MIPOL1: variants seen among roughly 807,000 people sequenced by gnomAD.
The protein encoded by MIPOL1 is mirror-image polydactyly 1, also known as mirror-image polydactyly gene 1 protein.
MIPOL1 carries 57 observed loss-of-function variants against 60.9 expected under a neutral mutation model. The ratio of observed to expected loss-of-function variants is 0.94; its 90% CI spans 0.76 to 1.17. The LOEUF is 1.17. Among genes scored for constraint, MIPOL1 ranks in the 50% most tolerant of loss-of-function variants. The pLI is 0.00. For synonymous variants in MIPOL1, 179 were observed against 168.8 expected (o/e 1.06, Z -0.47); for missense variants, 551 against 511.6 (o/e 1.08, Z -0.74).
chr14:37,366,466 C>T (rs1161078531), intron 9 of MIPOL1, among the ~76,000 whole-genome samples: 2 of 151,830 alleles, frequency 1.3e-5, no homozygotes, highest in Non-Finnish European at 2.9e-5. Context: ...TTCCAGAATT[C>T]CTCCTGTTAT....
intron 9 of MIPOL1, among the ~76,000 whole-genome samples, chr14:37,310,402 A>G (rs1032335518): frequency 2.0e-5 from 3 of 151,472 alleles, no homozygotes; most frequent in Non-Finnish European, 4.4e-5. Context: ...TAGTTATCTC[A>G]CCTCTCCTCC....
chr14:37,538,490 A>C (rs1441049700), intron 12 of MIPOL1, among the ~76,000 whole-genome samples: 13 of 152,214 alleles, frequency 8.5e-5, no homozygotes, highest in Admixed American at 8.5e-4. Flanking sequence ...TCAGGATGCC[A>C]AAAGATATGA....
At chr14:37,462,796 A>G (rs1207198679) in intron 11 of MIPOL1, among the ~76,000 whole-genome samples, 1 of 152,148 alleles carries the variant, frequency 6.6e-6, no homozygotes. Flanking sequence ...TCTCTTCTCC[A>G]TTTGAGACCA....
At chr14:37,473,568 T>A in intron 11 of MIPOL1, among the ~76,000 whole-genome samples, 1 of 152,042 alleles carries the variant, frequency 6.6e-6, no homozygotes, top group East Asian at 1.9e-4. Context: ...GAGCAGGGAA[T>A]TCAATTAATA....
At chr14:37,313,135 C>T in intron 9 of MIPOL1, among the ~76,000 whole-genome samples, 1 of 151,652 alleles carries the variant, frequency 6.6e-6, no homozygotes, top group South Asian at 2.1e-4. Context: ...GAACATTTGA[C>T]AAATAAATCA....
rs113597819 is a variant in MIPOL1, at chr14:37,469,506, C to A, written c.1032-30402C>A. Among the ~76,000 whole-genome samples, 895 of 152,198 alleles carry A rather than the reference C, an allele frequency of 5.9e-3. 4 individuals carry two copies. The highest frequency in any genetic ancestry group is 9.5e-3 in the Non-Finnish European group (643 of 68,002). Reference sequence around the variant, plus strand: ...ATTACAATTTGACATGAGATTTGGGCAGGGACACAGATGCAAACCATATCA... The same window carrying A: ...ATTACAATTTGACATGAGATTTGGGAAGGGACACAGATGCAAACCATATCA... On this transcript the variant is annotated intron_variant, in intron 11 of 12. Transcript: ENST00000684589.
At chr14:37,247,414 A>C (rs1337893817) in intron 2 of MIPOL1, among the ~76,000 whole-genome samples, 174 bp downstream of exon 2, 1 of 152,000 alleles carries the variant, frequency 6.6e-6, no homozygotes. Flanking sequence ...TATAAGTAAA[A>C]TTTATTAAAG....
chr14:37,224,857 A>G (rs1594574823), intron 1 of MIPOL1, among the ~76,000 whole-genome samples: 1 of 152,204 alleles, frequency 6.6e-6, no homozygotes, highest in Non-Finnish European at 1.5e-5. Flanking sequence ...CCTTCTGCCT[A>G]TGAGCCTGTA....
chr14:37,394,272 A>C (rs1322178970), intron 10 of MIPOL1, among the ~76,000 whole-genome samples: 1 of 151,644 alleles, frequency 6.6e-6, no homozygotes, highest in Non-Finnish European at 1.5e-5. Context: ...CTCTGCATAG[A>C]TACCCAGTAG....
intron 12 of MIPOL1, among the ~76,000 whole-genome samples, chr14:37,539,788 C>A (rs746632823): frequency 6.6e-6 from 1 of 152,124 alleles, no homozygotes; most frequent in Non-Finnish European, 1.5e-5. Flanking sequence ...AGGAATAATT[C>A]TCTGACTATA....
chr14:37,436,225 G>A (rs569403223), intron 11 of MIPOL1, among the ~76,000 whole-genome samples: 2 of 152,190 alleles, frequency 1.3e-5, no homozygotes, highest in East Asian at 3.9e-4. Context: ...TGATACAGAA[G>A]CAGGATTCTG....
intron 11 of MIPOL1, among the ~76,000 whole-genome samples, chr14:37,488,476 A>G (rs2094989334): frequency 6.6e-6 from 1 of 152,128 alleles, no homozygotes; most frequent in African/African-American, 2.4e-5. Context: ...TGGGTCTCTA[A>G]GAACTTGCTT....
intron 6 of MIPOL1, among the ~76,000 whole-genome samples, chr14:37,274,193 T>C (rs933491430): frequency 6.6e-6 from 1 of 151,532 alleles, no homozygotes; most frequent in African/African-American, 2.4e-5. Flanking sequence ...ATTTCAGCTT[T>C]TCTGCAATAT....
chr14:37,210,966 A>G (rs1200341282), intron 1 of MIPOL1, among the ~76,000 whole-genome samples: 1 of 152,232 alleles, frequency 6.6e-6, no homozygotes, highest in Non-Finnish European at 1.5e-5. Context: ...ATTAAACTAT[A>G]AACTAAATTT....
chr14:37,388,482 T>G (rs1296743892), intron 10 of MIPOL1, among the ~76,000 whole-genome samples: 1 of 150,992 alleles, frequency 6.6e-6, no homozygotes, highest in Non-Finnish European at 1.5e-5. Context: ...TGGGTTTTTT[T>G]TGTGTTTTTT....
chr14:37,515,804 G>T (rs2095364924), intron 12 of MIPOL1, among the ~76,000 whole-genome samples: 1 of 152,142 alleles, frequency 6.6e-6, no homozygotes, highest in South Asian at 2.1e-4. Context: ...ACCACAATGT[G>T]AGGTGACCCT....
chr14:37,433,260 A>G lies in MIPOL1; in HGVS notation c.1031+10311A>G, dbSNP rs889775351. Reference sequence around the variant, plus strand: ...AATTATACTTTCAGTTCTGGGATACATGTGCAGAGTGCAGGTTTGTTACAC... The same window carrying G: ...AATTATACTTTCAGTTCTGGGATACGTGTGCAGAGTGCAGGTTTGTTACAC... On this transcript the variant is annotated intron_variant, in intron 11 of 12. Transcript: ENST00000684589. Among the ~76,000 whole-genome samples the G allele has an allele frequency of 2.6e-5, 4 of 151,638 alleles. No individual in the cohort carries two copies. The East Asian group carries it at 7.8e-4, about 30-fold the overall frequency.
chr14:37,203,271 T>C (rs1466100539), intron 1 of MIPOL1, among the ~76,000 whole-genome samples: 4 of 152,172 alleles, frequency 2.6e-5, no homozygotes, highest in African/African-American at 9.7e-5. Context: ...CACTACCTGT[T>C]TGTTTTAACT....
chr14:37,522,265 T>C (rs1037000554), intron 12 of MIPOL1, among the ~76,000 whole-genome samples: 1 of 152,164 alleles, frequency 6.6e-6, no homozygotes, highest in African/African-American at 2.4e-5. Context: ...ATGTTAAGTG[T>C]TACTTTACGC....
Sources: allele counts gnomAD v4.1 joint callset (sites outside exome capture counted in the v4.1 genomes callset), GRCh38; gene constraint gnomAD v4.1.1; transcripts MANE v1.5; gene names NCBI Gene and HGNC (gene_info 2026-07-23, HGNC 2026-07-21).